EBF3: variants seen among roughly 807,000 people sequenced by gnomAD.
EBF3 encodes EBF transcription factor 3, also known as transcription factor COE3.
A neutral mutation model predicts 77.1 loss-of-function variants in EBF3; 18 were observed. The ratio of observed to expected loss-of-function variants is 0.23; its 90% CI spans 0.16 to 0.35. EBF3 has a LOEUF of 0.35. Ranked by LOEUF, EBF3 falls within the 10% of genes least tolerant of loss-of-function variation. EBF3 has a pLI of 1.00. For missense variants in EBF3, 558 were observed against 860.0 expected (o/e 0.65, Z 4.39); for synonymous variants, 350 against 343.5 (o/e 1.02, Z -0.21).
Position 129,841,667 on chromosome 10 carries a change from G to A in EBF3, c.1372+449C>T, listed in dbSNP as rs1487348760. Among the ~76,000 whole-genome samples, 1 of 152,154 alleles carries A rather than the reference G, an allele frequency of 6.6e-6. No homozygotes were observed. Among genetic ancestry groups the A allele is most frequent in the Admixed American group, 6.5e-5 (1 of 15,280 alleles). On this transcript the variant is annotated intron_variant, in intron 13 of 16. Transcript: ENST00000440978. The surrounding 1 kb of genome is among the most constrained non-coding windows in gnomAD (Gnocchi z 4.6). ...CTTGGCTGGCCCAGGACACTGCACT[G>A]TGGGATGGGGTGCGGGGTGGGGAAA...
At chr10:129,933,773 G>C (rs1857182716) in intron 6 of EBF3, among the ~76,000 whole-genome samples, 1 of 152,176 alleles carries the variant, frequency 6.6e-6, no homozygotes, top group African/African-American at 2.4e-5. Flanking sequence ...AGTGAGTAAG[G>C]CCCTGCAGGG....
intron 6 of EBF3, among the ~76,000 whole-genome samples, chr10:129,895,195 C>CA (rs1423260258): frequency 6.6e-6 from 1 of 152,242 alleles, no homozygotes; most frequent in African/African-American, 2.4e-5. Flanking sequence ...GAATTGCTTG[C>CA]ATAAAGACCT....
At chr10:129,924,500 T>G (rs1373442372) in intron 6 of EBF3, among the ~76,000 whole-genome samples, 2 of 150,980 alleles carry the variant, frequency 1.3e-5, no homozygotes, top group African/African-American at 4.9e-5. Context: ...ACTGGAACCC[T>G]TGAGCACCCC....
At chr10:129,928,924 A>C (rs1055674202) in intron 6 of EBF3, among the ~76,000 whole-genome samples, 12 of 152,326 alleles carry the variant, frequency 7.9e-5, no homozygotes, top group Admixed American at 6.5e-4. Context: ...TCATTTGATA[A>C]TCCATTAGCA....
intron 6 of EBF3, among the ~76,000 whole-genome samples, chr10:129,899,712 C>T (rs796150935): frequency 1.9e-4 from 29 of 152,162 alleles, no homozygotes; most frequent in African/African-American, 7.0e-4. Context: ...ACGCCAGCAC[C>T]GTGCGTGAAA....
intron 6 of EBF3, among the ~76,000 whole-genome samples, chr10:129,908,078 A>T (rs747922363): frequency 1.1e-4 from 16 of 152,180 alleles, no homozygotes; most frequent in Non-Finnish European, 2.4e-4. Flanking sequence ...TCACTAAGAA[A>T]AGCATAAATA....
chr10:129,963,438 G>C lies in EBF3; in HGVS notation c.220C>G (p.Leu74Val). The stretch of plus-strand genomic sequence containing the variant: ...ACCGGCTGCCCCTGCCTATCGTAGA[G>C]CGCCAGCACGAAGTGGAAGAAATTG... ...KSNFFHFVLA[L>V]YDRQGQPVEI... is the part of the protein sequence containing the mutation. Residue 74 changes from leucine to valine, a missense_variant, in exon 2 of 17, where the codon CTC (leucine) becomes GTC (valine). This residue lies in a region of EBF3 where 84 missense variants were observed against 142.3 expected (regional missense o/e 0.59). Coordinates refer to ENST00000440978, the MANE Select transcript of EBF3 (RefSeq NM_001375380.1). This position sits in a 1 kb window ranked among gnomAD's most constrained non-coding sequence, Gnocchi z 7.1. 2 of 1,591,550 alleles carry C rather than the reference G, an allele frequency of 1.3e-6. No homozygotes were observed. Among genetic ancestry groups the C allele is most frequent in the Non-Finnish European group, 1.7e-6 (2 of 1,169,082 alleles).
At chr10:129,869,348 A>AACT (rs1316986598) in intron 8 of EBF3, among the ~76,000 whole-genome samples, 1 of 152,144 alleles carries the variant, frequency 6.6e-6, no homozygotes, top group African/African-American at 2.4e-5. Context: ...AAAATGTAGT[A>AACT]ACTAAGCTTG....
At chr10:129,917,914 C>T (rs1479026641) in intron 6 of EBF3, among the ~76,000 whole-genome samples, 1 of 152,154 alleles carries the variant, frequency 6.6e-6, no homozygotes, top group Non-Finnish European at 1.5e-5. Flanking sequence ...AAATGATAAT[C>T]CTACTGCTAA....
intron 10 of EBF3, among the ~76,000 whole-genome samples, chr10:129,865,883 T>C (rs1851976751): frequency 6.6e-6 from 1 of 152,156 alleles, no homozygotes; most frequent in Non-Finnish European, 1.5e-5. Context: ...TGGCAGGAGT[T>C]GAAGCCCCAT....
At chr10:129,874,932 G>A (rs1043602318) in intron 7 of EBF3, among the ~76,000 whole-genome samples, 1 of 152,112 alleles carries the variant, frequency 6.6e-6, no homozygotes, top group African/African-American at 2.4e-5. Flanking sequence ...GGGGAGGGGC[G>A]CACGGGGGTA....
intron 6 of EBF3, among the ~76,000 whole-genome samples, chr10:129,942,100 G>A (rs1160819563): frequency 6.6e-6 from 1 of 152,214 alleles, no homozygotes; most frequent in African/African-American, 2.4e-5. Flanking sequence ...CACCCACTCA[G>A]GGCACCAGGC....
chr10:129,851,054 A>G (rs1850844667), intron 10 of EBF3, among the ~76,000 whole-genome samples: 1 of 152,224 alleles, frequency 6.6e-6, no homozygotes, highest in Non-Finnish European at 1.5e-5. Context: ...CTGTTTTAGA[A>G]CTGGGTAATT....
chr10:129,884,030 A>G (rs1853397880), intron 6 of EBF3, among the ~76,000 whole-genome samples: 4 of 152,218 alleles, frequency 2.6e-5, no homozygotes, highest in Admixed American at 2.0e-4. Flanking sequence ...TTACTGTGCT[A>G]TTGAAATGAA....
intron 6 of EBF3, among the ~76,000 whole-genome samples, chr10:129,905,451 A>G (rs937718238): frequency 2.0e-5 from 3 of 151,716 alleles, no homozygotes; most frequent in African/African-American, 7.3e-5. Flanking sequence ...ATCTCTTTTT[A>G]CTTTGTTAGT....
intron 11 of EBF3, among the ~76,000 whole-genome samples, chr10:129,847,250 A>G (rs1410985406): frequency 6.6e-6 from 1 of 152,032 alleles, no homozygotes; most frequent in Non-Finnish European, 1.5e-5. Flanking sequence ...TGGTCTGTCT[A>G]TGGGATGGCG....
chr10:129,903,641 T>A (rs1323217429), intron 6 of EBF3, among the ~76,000 whole-genome samples: 2 of 152,204 alleles, frequency 1.3e-5, no homozygotes, highest in African/African-American at 4.8e-5. Context: ...TTCTCGTGGA[T>A]AAAGATCCAC....
In EBF3 at chr10:129,839,135, A is replaced by C. The variant is rs769309801; in HGVS notation, c.1820T>G (p.Val607Gly). Reference sequence around the variant, plus strand: ...TTCATCAAAGTGAAATATGCCACCGACTTCACAAAAGGGCCAGTTTGTCTT... The same window carrying C: ...TTCATCAAAGTGAAATATGCCACCGCCTTCACAAAAGGGCCAGTTTGTCTT... ...AEKTNWPFCE[V>G]GGIFHFDELM... The change falls in exon 16 of 17, where the codon GTC becomes GGC. Residue 607 changes from valine to glycine, a missense_variant. Coordinates refer to ENST00000440978, the MANE Select transcript of EBF3 (RefSeq NM_001375380.1). 25 of 1,304,410 alleles carry C rather than the reference A, an allele frequency of 1.9e-5. No individual in the cohort carries two copies. Among genetic ancestry groups the C allele is most frequent in the Non-Finnish European group, 2.5e-5 (25 of 988,994 alleles). The allele number at this position is 1,304,410 out of a possible 1,614,324, so 80.8% of individuals were successfully genotyped here.
chr10:129,897,020 G>A lies in EBF3; in HGVS notation c.555-19171C>T, dbSNP rs769621797. 3.0e-4 allele frequency among the ~76,000 whole-genome samples: 46 copies of A among 152,130 alleles called. No individual in the cohort carries two copies. The highest frequency in any genetic ancestry group is 5.4e-4 in the Non-Finnish European group (37 of 68,032). On this transcript the variant is annotated intron_variant, in intron 6 of 16. Coordinates refer to ENST00000440978, the MANE Select transcript of EBF3 (RefSeq NM_001375380.1). The surrounding 1 kb of genome is among the most constrained non-coding windows in gnomAD (Gnocchi z 4.6). ...CCATCAATCTGACTAATCAAGCATC[G>A]AGGACAGGCACCGCCAGCCTGATTG... is the stretch of plus-strand genomic sequence containing the variant.
Sources: allele counts gnomAD v4.1 joint callset (sites outside exome capture counted in the v4.1 genomes callset), GRCh38; gene constraint gnomAD v4.1.1; regional missense constraint gnomAD v4.1.1; non-coding constraint Gnocchi (gnomAD v3.1); transcripts MANE v1.5; gene names NCBI Gene and HGNC (gene_info 2026-07-23, HGNC 2026-07-21).